TMEM167A: variants seen among roughly 807,000 people sequenced by gnomAD.
The protein encoded by TMEM167A is transmembrane protein 167A.
In TMEM167A, 8 loss-of-function variants were observed where a neutral mutation model predicts 11.6. The observed-to-expected ratio is 0.69, with a 90% CI of 0.40 to 1.24. TMEM167A has a LOEUF of 1.24. TMEM167A is among the 50% of genes most tolerant of loss of function. TMEM167A has a pLI of 0.01. For synonymous variants in TMEM167A, 22 were observed against 28.0 expected (o/e 0.79, Z 0.67); for missense variants, 62 against 87.0 (o/e 0.71, Z 1.14).
In TMEM167A at chr5:83,077,304, G is replaced by A. The variant is rs1744699600; in HGVS notation, c.3+17C>T. The A allele has an allele frequency of 6.2e-7, 1 of 1,614,182 alleles. No individual in the cohort carries two copies. The highest frequency in any genetic ancestry group is 8.5e-7 in the Non-Finnish European group (1 of 1,180,018). On this transcript the variant is annotated intron_variant, in intron 1 of 3. Transcript: ENST00000502346. ...CTTCTCGAAGATCAACCGCGACCTGGGAGCCCCACTTCTTACCATAGCGAG... is the reference window on the plus strand; with the variant it reads ...CTTCTCGAAGATCAACCGCGACCTGAGAGCCCCACTTCTTACCATAGCGAG...
At chr5:83,072,985 G>T (rs888809139) in intron 1 of TMEM167A, among the ~76,000 whole-genome samples, 1 of 152,102 alleles carries the variant, frequency 6.6e-6, no homozygotes, top group African/African-American at 2.4e-5. Flanking sequence ...AGCAATATTA[G>T]CAACAGAATT....
chr5:83,063,958 C>T (rs1744443078), intron 2 of TMEM167A, among the ~76,000 whole-genome samples: 1 of 152,028 alleles, frequency 6.6e-6, no homozygotes, highest in Non-Finnish European at 1.5e-5. Flanking sequence ...ATATCTCCAC[C>T]TAAGCATGGT....
chr5:83,077,208 GC>G, intron 1 of TMEM167A, 112 bp downstream of exon 1: 1 of 1,491,012 alleles, frequency 6.7e-7, no homozygotes, highest in Admixed American at 1.7e-5. Flanking sequence ...TGGCTCCAAG[GC>G]CTCTCAGCTC....
intron 3 of TMEM167A, among the ~76,000 whole-genome samples, chr5:83,058,472 A>G (rs1479406929): frequency 3.3e-5 from 5 of 151,992 alleles, no homozygotes; most frequent in Non-Finnish European, 7.4e-5. Context: ...TTTTAAAATT[A>G]AAAAAAATCT....
chr5:83,072,695 GTTTT>G (rs1220138742), intron 1 of TMEM167A, among the ~76,000 whole-genome samples: 3 of 151,804 alleles, frequency 2.0e-5, no homozygotes, highest in African/African-American at 7.3e-5. Flanking sequence ...AGCCCGGCTA[GTTTT>G]TTTTGTATTT....
intron 3 of TMEM167A, among the ~76,000 whole-genome samples, chr5:83,060,661 C>T (rs1049752395): frequency 9.2e-5 from 14 of 151,892 alleles, no homozygotes; most frequent in Admixed American, 7.2e-4. Flanking sequence ...GAAACCCTGT[C>T]TCTACTAAAA....
intron 3 of TMEM167A, among the ~76,000 whole-genome samples, chr5:83,059,878 C>A (rs112258469): frequency 2.6e-3 from 396 of 151,946 alleles, no homozygotes; most frequent in African/African-American, 8.8e-3. Flanking sequence ...ACTATCAAAG[C>A]TGTCTCTCTA....
chr5:83,068,284 T>G (rs957926818), intron 1 of TMEM167A, among the ~76,000 whole-genome samples: 2 of 152,196 alleles, frequency 1.3e-5, no homozygotes, highest in African/African-American at 2.4e-5. Flanking sequence ...ATTCCTTCCC[T>G]ACAGGAGTTT....
At chr5:83,073,195 CA>C (rs1474756165) in intron 1 of TMEM167A, among the ~76,000 whole-genome samples, 1 of 152,192 alleles carries the variant, frequency 6.6e-6, no homozygotes, top group African/African-American at 2.4e-5. Flanking sequence ...TCTGTTTCTT[CA>C]TATGAAAAAT....
At chr5:83,058,395 G>A (rs1012781508) in intron 3 of TMEM167A, among the ~76,000 whole-genome samples, 14 of 151,664 alleles carry the variant, frequency 9.2e-5, no homozygotes, top group Admixed American at 3.3e-4. Flanking sequence ...ACTGCCTTCC[G>A]GCTAAAAAAA....
At chr5:83,060,636 C>G (rs754303682) in intron 3 of TMEM167A, among the ~76,000 whole-genome samples, 3 of 151,796 alleles carry the variant, frequency 2.0e-5, no homozygotes, top group Non-Finnish European at 4.4e-5. Flanking sequence ...TGGAGAGCAG[C>G]CTGGCCGACA....
In TMEM167A at chr5:83,065,614, A is replaced by G. The variant is rs186316428; in HGVS notation, c.4-497T>C. Among the ~76,000 whole-genome samples the G allele has an allele frequency of 4.0e-3, 597 of 149,096 alleles. 1 individual carries two copies. Among genetic ancestry groups the G allele is most frequent in the Non-Finnish European group, 6.7e-3 (448 of 67,036 alleles). ...ATTTTTTGAGTGCCAAAATGATGCT[A>G]AAAAAAAAATGTTCATTGGAGCATT... On this transcript the variant is annotated intron_variant, in intron 1 of 3. Coordinates refer to ENST00000502346, the MANE Select transcript of TMEM167A (RefSeq NM_174909.5).
In TMEM167A at chr5:83,077,302, T is replaced by TG; in HGVS notation, c.3+18dup. 6.2e-7 allele frequency: 1 copy of TG among 1,614,186 alleles called. No homozygotes were observed. Among genetic ancestry groups the TG allele is most frequent in the East Asian group, 2.2e-5 (1 of 44,876 alleles). ...CCCTTCTCGAAGATCAACCGCGACC[T>TG]GGGAGCCCCACTTCTTACCATAGCG... On this transcript the variant is annotated intron_variant, in intron 1 of 3. Transcript: ENST00000502346.
intron 2 of TMEM167A, among the ~76,000 whole-genome samples, chr5:83,062,432 A>T (rs535521820): frequency 6.6e-6 from 1 of 152,196 alleles, no homozygotes; most frequent in African/African-American, 2.4e-5. Context: ...CTAAGAAAGA[A>T]TTAAAAATGT....
In TMEM167A at chr5:83,065,125, G is replaced by GAAAA; in HGVS notation, c.4-12_4-9dup. On this transcript the variant is annotated splice_polypyrimidine_tract_variant and intron_variant, in intron 1 of 3. Transcript: ENST00000502346. ...AAAATTGAAAATGGCAGACTAAAAA[G>GAAAA]AAAAAAAAAAAAGAAAAATTAATAT... The GAAAA allele has an allele frequency of 1.9e-6, 2 of 1,072,774 alleles. No individual in the cohort carries two copies. The highest frequency in any genetic ancestry group is 3.7e-5 in the African/African-American group (2 of 53,574). 66.5% of individuals were successfully genotyped at this position (1,072,774 alleles called of 1,614,324 possible).
At chr5:83,061,449 G>A (rs372358418) in intron 3 of TMEM167A, among the ~76,000 whole-genome samples, 27 of 152,226 alleles carry the variant, frequency 1.8e-4, no homozygotes, top group African/African-American at 5.3e-4. Context: ...TCACTCTGTC[G>A]CCCAGGATGG....
chr5:83,060,483 CT>C (rs751358106), intron 3 of TMEM167A, among the ~76,000 whole-genome samples: 1,978 of 136,494 alleles, frequency 0.014, 8 homozygotes, highest in Non-Finnish European at 0.019. Context: ...TGTCTGGAGT[CT>C]TTTTTTTTTT....
intron 1 of TMEM167A, among the ~76,000 whole-genome samples, chr5:83,072,161 G>A (rs984882696): frequency 7.2e-5 from 11 of 152,120 alleles, no homozygotes; most frequent in Admixed American, 2.6e-4. Flanking sequence ...TTTGCTGTTT[G>A]TGCTGCTTTG....
rs1249078314 is a variant in TMEM167A, at chr5:83,053,043, C to T, written c.*4041G>A. 1.3e-5 allele frequency: 2 copies of T among 151,764 alleles called. No homozygotes were observed. Among genetic ancestry groups the T allele is most frequent in the Non-Finnish European group, 2.9e-5 (2 of 67,886 alleles). The allele number at this position is 151,764 out of a possible 1,614,324, so 9.4% of individuals were successfully genotyped here. ...GTCATGGAAGGCAGTGTATAAATAA[C>T]ATTAATTATGAAGCTACTTTTCAGA... is the stretch of plus-strand genomic sequence containing the variant. On this transcript the variant is annotated 3_prime_UTR_variant, in exon 4 of 4. Coordinates refer to ENST00000502346, the MANE Select transcript of TMEM167A (RefSeq NM_174909.5).
Sources: allele counts gnomAD v4.1 joint callset (sites outside exome capture counted in the v4.1 genomes callset), GRCh38; gene constraint gnomAD v4.1.1; transcripts MANE v1.5; gene names NCBI Gene and HGNC (gene_info 2026-07-23, HGNC 2026-07-21).